FIBCD1: variants seen among roughly 807,000 people sequenced by gnomAD.
FIBCD1 encodes fibrinogen C domain containing 1.
Under a neutral mutation model 45.1 loss-of-function variants are expected in FIBCD1, and 47 were observed. The observed-to-expected ratio is 1.04, with a 90% CI of 0.82 to 1.33. FIBCD1 has a LOEUF of 1.33. FIBCD1 is among the 40% of genes most tolerant of loss of function. FIBCD1 has a pLI of 0.00. For synonymous variants in FIBCD1, 313 were observed against 308.1 expected (o/e 1.02, Z -0.17); for missense variants, 653 against 682.2 (o/e 0.96, Z 0.48).
intron 3 of FIBCD1, 74 bp from the exon 4 acceptor site, chr9:130,923,954 G>A: frequency 1.2e-6 from 2 of 1,601,752 alleles, no homozygotes; most frequent in Non-Finnish European, 1.7e-6. Flanking sequence ...CAAACTGTCT[G>A]TCCATCGATA....
At chr9:130,921,331 A>C (rs1438283798) in intron 4 of FIBCD1, among the ~76,000 whole-genome samples, 1 of 152,232 alleles carries the variant, frequency 6.6e-6, no homozygotes, top group Non-Finnish European at 1.5e-5. Context: ...TTCCCAAACA[A>C]AAACTGAGTT....
Position 130,938,714 on chromosome 9 carries a change from TC to T in FIBCD1, c.-108del. The T allele has an allele frequency of 3.3e-6, 2 of 597,266 alleles. No individual in the cohort carries two copies. The highest frequency in any genetic ancestry group is 4.4e-6 in the Non-Finnish European group (2 of 451,210). 37.0% of individuals were successfully genotyped at this position (597,266 alleles called of 1,614,324 possible). ...CGCGGGGCGCGCTCTGTCCGCCGGG[TC>T]CCCGCCTCTGTGCCCCGCGCCGGGG... On this transcript the variant is annotated 5_prime_UTR_variant, in exon 1 of 7. Coordinates refer to ENST00000372338, the MANE Select transcript of FIBCD1 (RefSeq NM_032843.5).
At chr9:130,924,722 A>C (rs1447770268) in intron 2 of FIBCD1, among the ~76,000 whole-genome samples, 1 of 152,220 alleles carries the variant, frequency 6.6e-6, no homozygotes, top group Non-Finnish European at 1.5e-5. Flanking sequence ...AGGGAAGAGT[A>C]AACTGGAGGA....
chr9:130,939,618 G>A (rs1832583681), upstream of FIBCD1, among the ~76,000 whole-genome samples: 2 of 152,084 alleles, frequency 1.3e-5, no homozygotes, highest in East Asian at 1.9e-4. Context: ...AGCCGCCGGC[G>A]CTGTGGTCGC....
rs1832059560 is a variant in FIBCD1 at position 130,911,898 on chromosome 9, G to C, written c.850-10C>G. 3 of 1,564,422 alleles carry C rather than the reference G, an allele frequency of 1.9e-6. No individual in the cohort carries two copies. The African/African-American group carries it at 4.1e-5, about 21-fold the overall frequency. Reference sequence around the variant, plus strand: ...CCCGGCGCTGAAACACCTGCAAAGGGAAGATGGGGATGGGGCGTTGGCACC... The same window carrying C: ...CCCGGCGCTGAAACACCTGCAAAGGCAAGATGGGGATGGGGCGTTGGCACC... On this transcript the variant is annotated splice_polypyrimidine_tract_variant and intron_variant, in intron 4 of 6. Transcript: ENST00000372338.
chr9:130,916,867 G>A (rs916376961), intron 4 of FIBCD1, among the ~76,000 whole-genome samples: 1 of 152,266 alleles, frequency 6.6e-6, no homozygotes, highest in African/African-American at 2.4e-5. Context: ...GGAGGCTGAG[G>A]CAGGCACATC....
chr9:130,919,111 C>T (rs556251945), intron 4 of FIBCD1, among the ~76,000 whole-genome samples: 2 of 152,344 alleles, frequency 1.3e-5, no homozygotes, highest in South Asian at 4.1e-4. Context: ...TGCCGTTTCT[C>T]GGGTGCTGAG....
chr9:130,936,687 C>T (rs1287941222), intron 1 of FIBCD1, among the ~76,000 whole-genome samples: 2 of 152,220 alleles, frequency 1.3e-5, no homozygotes, highest in African/African-American at 2.4e-5. Flanking sequence ...CTGGCCGAAG[C>T]GTCATGCAGT....
At chr9:130,930,405 C>CAT (rs1564340923) in intron 1 of FIBCD1, among the ~76,000 whole-genome samples, 2 of 147,862 alleles carry the variant, frequency 1.4e-5, no homozygotes, top group Non-Finnish European at 3.0e-5. Flanking sequence ...TGGGGAGATG[C>CAT]GGGGAGACGC....
chr9:130,912,998 G>A (rs901150167), intron 4 of FIBCD1, among the ~76,000 whole-genome samples: 5 of 152,200 alleles, frequency 3.3e-5, no homozygotes, highest in Admixed American at 1.3e-4. Context: ...GAGTCCAGGC[G>A]ATGGCTCAGG....
At chr9:130,924,673 G>A (rs753041064) in intron 2 of FIBCD1, among the ~76,000 whole-genome samples, 7 of 152,332 alleles carry the variant, frequency 4.6e-5, no homozygotes, top group Non-Finnish European at 1.0e-4. Context: ...TGCCACCCCT[G>A]CTGCCCCAGG....
At chr9:130,934,156 G>C (rs971416768) in intron 1 of FIBCD1, among the ~76,000 whole-genome samples, 4 of 152,166 alleles carry the variant, frequency 2.6e-5, no homozygotes, top group Non-Finnish European at 5.9e-5. Context: ...CAGAGCCTCA[G>C]GGGAATTCCT....
chr9:130,939,746 A>AG (rs925568660), upstream of FIBCD1, among the ~76,000 whole-genome samples: 15 of 151,884 alleles, frequency 9.9e-5, no homozygotes, highest in Non-Finnish European at 2.2e-4. Context: ...TTGTGCCAGG[A>AG]GGGGGCTTCT....
At position 130,904,147 on chromosome 9, in the gene FIBCD1, C is replaced by G. The variant is rs766248349; in HGVS notation, c.1303G>C (p.Val435Leu). The G allele has an allele frequency of 1.2e-6, 2 of 1,613,538 alleles. No homozygotes were observed. Among genetic ancestry groups the G allele is most frequent in the Admixed American group, 1.7e-5 (1 of 60,034 alleles). The change falls in exon 7 of 7, where the codon GTG (valine) becomes CTG (leucine). Residue 435 changes from valine (V) to leucine (L), a missense_variant. Transcript: ENST00000372338. ...RGAHASYADG[V>L]EWSSWTGWQY... ...CAGCCGGTCCAGGAGGACCACTCCACGCCGTCGGCATAGGAGGCGTGCGCA... is the reference window on the plus strand; with the variant it reads ...CAGCCGGTCCAGGAGGACCACTCCAGGCCGTCGGCATAGGAGGCGTGCGCA...
At chr9:130,932,274 G>A (rs944016168) in intron 1 of FIBCD1, among the ~76,000 whole-genome samples, 2 of 152,212 alleles carry the variant, frequency 1.3e-5, no homozygotes, top group South Asian at 2.1e-4. Flanking sequence ...CTTGGCACCC[G>A]AAGAGGACGG....
At chr9:130,911,960 C>A in intron 4 of FIBCD1, 72 bp from the exon 5 acceptor site, 2 of 1,392,554 alleles carry the variant, frequency 1.4e-6, no homozygotes, top group Non-Finnish European at 2.0e-6. Context: ...TGGGCCCACC[C>A]CGCCCAGAGA....
chr9:130,930,666 C>A lies in FIBCD1; in HGVS notation c.73-620G>T, dbSNP rs1337896456. On this transcript the variant is annotated intron_variant, in intron 1 of 6. Transcript: ENST00000372338. ...TGTGGCCCCCGTGGAGCCCACACCA[C>A]CCAGTAAGGGCTGGAGGTGGAGATC... 4 of 445,266 alleles carry A rather than the reference C, an allele frequency of 9.0e-6. No homozygotes were observed. In the Admixed American group the frequency reaches 9.5e-5, roughly 11 times the overall value. The allele number at this position is 445,266 out of a possible 1,614,324, so 27.6% of individuals were successfully genotyped here.
intron 4 of FIBCD1, among the ~76,000 whole-genome samples, chr9:130,923,418 T>C (rs1413175881): frequency 1.3e-5 from 2 of 152,088 alleles, no homozygotes; most frequent in South Asian, 2.1e-4. Context: ...TAGCAACAGG[T>C]TCCTGCTGCC....
chr9:130,911,682 G>T, intron 5 of FIBCD1, 110 bp downstream of exon 5: 2 of 922,160 alleles, frequency 2.2e-6, no homozygotes, highest in Non-Finnish European at 3.4e-6. Context: ...GGTGTGCCGA[G>T]GCCAGGGAAA....
Sources: allele counts gnomAD v4.1 joint callset (sites outside exome capture counted in the v4.1 genomes callset), GRCh38; gene constraint gnomAD v4.1.1; transcripts MANE v1.5; gene names NCBI Gene and HGNC (gene_info 2026-07-23, HGNC 2026-07-21).